RUNX1: variants seen among roughly 807,000 people sequenced by gnomAD.
RUNX1 encodes RUNX family transcription factor 1.
Under a neutral mutation model 42.8 loss-of-function variants are expected in RUNX1, and 19 were observed. The observed-to-expected ratio is 0.44, with a 90% CI of 0.31 to 0.65. The LOEUF (loss-of-function observed/expected upper bound fraction) is 0.65. RUNX1 is among the 30% of genes least tolerant of loss of function. The pLI, the probability that RUNX1 is intolerant of heterozygous loss-of-function variation, is 0.07. For synonymous variants in RUNX1, 271 were observed against 289.4 expected, an observed-to-expected ratio of 0.94 and a Z score of 0.64; for missense variants, 528 against 672.0, an observed-to-expected ratio of 0.79 and a Z score of 2.37.
chr21:35,014,532 A>G (rs148182241), intron 2 of RUNX1, among the ~76,000 whole-genome samples: 3 of 152,352 alleles, frequency 2.0e-5, no homozygotes, highest in African/African-American at 7.2e-5. Flanking sequence ...GCTTATCTCC[A>G]AAGAGTTCCT....
intron 2 of RUNX1, among the ~76,000 whole-genome samples, chr21:34,898,815 A>T (rs545994927): frequency 6.6e-6 from 1 of 152,236 alleles, no homozygotes; most frequent in Non-Finnish European, 1.5e-5. Context: ...TCTCGGAAGA[A>T]GCCTGAGATT....
At chr21:34,881,238 G>A (rs977062567) in intron 4 of RUNX1, among the ~76,000 whole-genome samples, 3 of 151,998 alleles carry the variant, frequency 2.0e-5, no homozygotes, top group Admixed American at 1.3e-4. Flanking sequence ...TCCACTAACA[G>A]GCTGAACAAG....
intron 2 of RUNX1, among the ~76,000 whole-genome samples, chr21:35,008,542 A>G (rs934842471): frequency 1.3e-5 from 2 of 152,238 alleles, no homozygotes; most frequent in African/African-American, 4.8e-5. Context: ...GGCAGACCAC[A>G]GTAGCATTTA....
intron 5 of RUNX1, among the ~76,000 whole-genome samples, chr21:34,868,170 T>A (rs1220111162): frequency 1.3e-5 from 2 of 152,074 alleles, no homozygotes; most frequent in Non-Finnish European, 2.9e-5. Context: ...TGAGGCAAGC[T>A]TGAGGAGGGA....
intron 2 of RUNX1, among the ~76,000 whole-genome samples, chr21:34,981,321 T>C (rs934883374): frequency 2.0e-5 from 3 of 152,208 alleles, no homozygotes; most frequent in African/African-American, 7.2e-5. Flanking sequence ...AAATCTGTTA[T>C]TGTTTAGGAT....
At chr21:35,027,450 G>T (rs1378995025) in intron 2 of RUNX1, among the ~76,000 whole-genome samples, 3 of 152,222 alleles carry the variant, frequency 2.0e-5, no homozygotes, top group African/African-American at 4.8e-5. Flanking sequence ...GCAAGGCGTC[G>T]TCGGGACAGT....
intron 2 of RUNX1, among the ~76,000 whole-genome samples, chr21:34,928,966 G>GTC (rs1555906188): frequency 6.7e-6 from 1 of 148,474 alleles, no homozygotes; most frequent in Non-Finnish European, 1.5e-5. Context: ...TTTTTTGGGG[G>GTC]GGGGGGTAGA....
At position 34,925,188 on chromosome 21, in the gene RUNX1, C is replaced by T. The variant is rs572935552; in HGVS notation, c.59-32225G>A. Among the ~76,000 whole-genome samples the T allele has an allele frequency of 3.9e-5, 6 of 152,262 alleles. No individual in the cohort carries two copies. In the South Asian group the frequency reaches 1.2e-3, roughly 32 times the overall value. On this transcript the variant is annotated intron_variant, in intron 2 of 8. Coordinates refer to ENST00000675419, the MANE Select transcript of RUNX1 (RefSeq NM_001754.5). ...AACAGTTGTATGAATTTCCATAGCACTGGTAGTTTGGGTTACGTATCTGAA... is the reference window on the plus strand; with the variant it reads ...AACAGTTGTATGAATTTCCATAGCATTGGTAGTTTGGGTTACGTATCTGAA...
intron 2 of RUNX1, among the ~76,000 whole-genome samples, chr21:34,921,690 T>C (rs1180522161): frequency 6.6e-6 from 1 of 152,144 alleles, no homozygotes; most frequent in African/African-American, 2.4e-5. Context: ...TGGAGGGCAG[T>C]GGCACCATCT....
intron 5 of RUNX1, among the ~76,000 whole-genome samples, chr21:34,869,132 C>T (rs1018489862): frequency 6.6e-6 from 1 of 152,044 alleles, no homozygotes; most frequent in African/African-American, 2.4e-5. Context: ...AGCATCATTC[C>T]CAACTTTTCA....
At position 34,970,984 on chromosome 21, in the gene RUNX1, C is replaced by T. The variant is rs144883824; in HGVS notation, c.58+77858G>A. Among the ~76,000 whole-genome samples the T allele has an allele frequency of 1.5e-3, 229 of 152,254 alleles. 1 individual carries two copies. Among genetic ancestry groups the T allele is most frequent in the Non-Finnish European group, 2.6e-3 (174 of 68,022 alleles). ...TGTAAACTAAGGGTTTTATATCTAT[C>T]GCCCATTTGATCCTCATAAACTTAT... is the stretch of plus-strand genomic sequence containing the variant. On this transcript the variant is annotated intron_variant, in intron 2 of 8. Transcript: ENST00000675419.
At chr21:34,880,825 T>G in intron 4 of RUNX1, 112 bp from the exon 5 acceptor site, 1 of 1,148,132 alleles carries the variant, frequency 8.7e-7, no homozygotes, top group Non-Finnish European at 1.3e-6. Context: ...TGATTTCTTT[T>G]TAGGTTGCAG....
intron 2 of RUNX1, among the ~76,000 whole-genome samples, chr21:34,930,326 C>A (rs536327302): frequency 9.6e-4 from 138 of 143,890 alleles, no homozygotes; most frequent in African/African-American, 3.3e-3. Flanking sequence ...CTAACATTAG[C>A]CATTGAATAG....
At chr21:34,797,111 A>C (rs533421717) in intron 8 of RUNX1, among the ~76,000 whole-genome samples, 11 of 152,242 alleles carry the variant, frequency 7.2e-5, no homozygotes, top group Non-Finnish European at 1.3e-4. Context: ...CCTGTGCTCC[A>C]GGCTTGATTT....
intron 5 of RUNX1, among the ~76,000 whole-genome samples, chr21:34,871,180 C>T (rs1007560234): frequency 6.6e-6 from 1 of 152,174 alleles, no homozygotes; most frequent in African/African-American, 2.4e-5. Flanking sequence ...CACACCCTTG[C>T]ATGCCACAGC....
At chr21:34,903,559 A>G (rs2058194104) in intron 2 of RUNX1, among the ~76,000 whole-genome samples, 1 of 152,222 alleles carries the variant, frequency 6.6e-6, no homozygotes, top group African/African-American at 2.4e-5. Flanking sequence ...TGGGACATAG[A>G]AAGTCTACTC....
intron 7 of RUNX1, among the ~76,000 whole-genome samples, chr21:34,806,583 A>G (rs2056683184): frequency 6.6e-6 from 1 of 152,254 alleles, no homozygotes; most frequent in African/African-American, 2.4e-5. Flanking sequence ...TCAAGCAGGC[A>G]GAAAATTAAG....
In RUNX1 at chr21:35,010,218, A is replaced by G. The variant is rs191283019; in HGVS notation, c.58+38624T>C. ...GTGTTTTTTTTTCCTCCCTAAATTTATACCAATAGCAAGGCATTATTACTC... is the reference window on the plus strand; with the variant it reads ...GTGTTTTTTTTTCCTCCCTAAATTTGTACCAATAGCAAGGCATTATTACTC... On this transcript the variant is annotated intron_variant, in intron 2 of 8. Transcript: ENST00000675419. 2.7e-3 allele frequency among the ~76,000 whole-genome samples: 409 copies of G among 152,228 alleles called. 1 individual carries two copies. Among genetic ancestry groups the G allele is most frequent in the African/African-American group, 9.3e-3 (387 of 41,520 alleles).
intron 6 of RUNX1, among the ~76,000 whole-genome samples, chr21:34,849,974 C>A (rs111289631): frequency 0.019 from 2,895 of 151,446 alleles, 43 homozygotes; most frequent in Non-Finnish European, 0.028. Context: ...CCATGAGACC[C>A]AGTGTATCAA....
Sources: allele counts gnomAD v4.1 joint callset (sites outside exome capture counted in the v4.1 genomes callset), GRCh38; gene constraint gnomAD v4.1.1; transcripts MANE v1.5; gene names NCBI Gene and HGNC (gene_info 2026-07-23, HGNC 2026-07-21).